Variants in PHF20 observed in about 807,000 individuals in gnomAD.
PHF20 encodes the protein PHD finger protein 20.
PHF20 carries 23 observed loss-of-function variants against 113.5 expected under a neutral mutation model. The ratio of observed to expected loss-of-function variants is 0.20; its 90% CI spans 0.15 to 0.29. PHF20 has a LOEUF of 0.29. PHF20 is among the 10% of genes least tolerant of loss of function. PHF20 has a pLI of 1.00. For missense variants in PHF20, 943 were observed against 1,219.6 expected (o/e 0.77, Z 3.38); for synonymous variants, 434 against 457.3 (o/e 0.95, Z 0.65).
intron 9 of PHF20, among the ~76,000 whole-genome samples, chr20:35,898,909 C>A (rs1202240884): frequency 6.6e-6 from 1 of 152,230 alleles, no homozygotes; most frequent in African/African-American, 2.4e-5. Context: ...CCATGCCCAG[C>A]CCATTTCTTT....
intron 10 of PHF20, among the ~76,000 whole-genome samples, chr20:35,900,958 T>G: frequency 6.6e-6 from 1 of 152,140 alleles, no homozygotes; most frequent in Admixed American, 6.6e-5. Context: ...GTAGTTACCT[T>G]TGGGAGGAGG....
At chr20:35,789,367 G>A (rs1342156757) in intron 1 of PHF20, among the ~76,000 whole-genome samples, 2 of 150,418 alleles carry the variant, frequency 1.3e-5, no homozygotes, top group African/African-American at 4.9e-5. Context: ...GGAGACAGAG[G>A]TTGCAGTGAG....
chr20:35,778,576 A>G (rs778069806), intron 1 of PHF20, among the ~76,000 whole-genome samples: 7 of 151,964 alleles, frequency 4.6e-5, no homozygotes, highest in Non-Finnish European at 7.4e-5. Context: ...ACACAGTGAA[A>G]CTCCGTCTCT....
chr20:35,811,584 A>G (rs114775401), intron 2 of PHF20, among the ~76,000 whole-genome samples: 1 of 151,648 alleles, frequency 6.6e-6, no homozygotes, highest in Non-Finnish European at 1.5e-5. Flanking sequence ...CTCGGATTAC[A>G]TGCATGCGCC....
intron 6 of PHF20, among the ~76,000 whole-genome samples, chr20:35,863,690 G>C (rs1023759359): frequency 6.6e-6 from 1 of 152,120 alleles, no homozygotes; most frequent in African/African-American, 2.4e-5. Context: ...GAGGCCTTTT[G>C]CTTATGCTTT....
chr20:35,846,386 C>T (rs2042624387), intron 3 of PHF20, among the ~76,000 whole-genome samples: 1 of 152,020 alleles, frequency 6.6e-6, no homozygotes, highest in Admixed American at 6.6e-5. Context: ...CCATGTTGGC[C>T]AGGCTGATCT....
chr20:35,878,589 G>C, intron 9 of PHF20: 1 of 761,506 alleles, frequency 1.3e-6, no homozygotes, highest in Non-Finnish European at 2.4e-6. Context: ...GTTGCATATG[G>C]ATTATACAAA....
At chr20:35,846,375 A>C (rs1430620715) in intron 3 of PHF20, among the ~76,000 whole-genome samples, 1 of 151,946 alleles carries the variant, frequency 6.6e-6, no homozygotes, top group Admixed American at 6.6e-5. Flanking sequence ...ACGGGGTTTC[A>C]CCATGTTGGC....
chr20:35,790,034 T>A (rs2041511646), intron 1 of PHF20, among the ~76,000 whole-genome samples: 1 of 151,652 alleles, frequency 6.6e-6, no homozygotes, highest in African/African-American at 2.4e-5. Context: ...TTTTTTTGTG[T>A]TTAGTAGAGA....
intron 13 of PHF20, among the ~76,000 whole-genome samples, chr20:35,918,179 AC>A (rs1400530050): frequency 3.3e-5 from 5 of 151,738 alleles, no homozygotes; most frequent in African/African-American, 7.3e-5. Context: ...GCTTGGGGAA[AC>A]CATGCCTGGC....
rs1393608501 is a variant in PHF20 at position 35,949,873 on chromosome 20, T to C, written c.*2246T>C. 1 of 152,410 alleles carries C rather than the reference T, an allele frequency of 6.6e-6. No homozygotes were observed. The highest frequency in any genetic ancestry group is 1.9e-4 in the East Asian group (1 of 5,184). The allele number at this position is 152,410 out of a possible 1,614,324, so 9.4% of individuals were successfully genotyped here. On this transcript the variant is annotated 3_prime_UTR_variant, in exon 18 of 18. Transcript: ENST00000374012. Reference sequence around the variant, plus strand: ...TTCGAGACCAGCCTGGCCAACAGGGTGAAACCCCGTCTCTACTAAAAGTAC... The same window carrying C: ...TTCGAGACCAGCCTGGCCAACAGGGCGAAACCCCGTCTCTACTAAAAGTAC...
chr20:35,853,510 G>A (rs888088831), intron 4 of PHF20: 6 of 152,218 alleles, frequency 3.9e-5, no homozygotes, highest in African/African-American at 1.2e-4. Context: ...TTTGGAAGTT[G>A]AGGAGGCAGG....
At chr20:35,870,868 T>G (rs1459847718) in intron 7 of PHF20, 87 bp from the exon 8 acceptor site, 1 of 918,274 alleles carries the variant, frequency 1.1e-6, no homozygotes, top group Non-Finnish European at 1.6e-6. Flanking sequence ...AAAGTCCTTT[T>G]AGAGACATCC....
At chr20:35,865,895 G>T (rs1187421929) in intron 6 of PHF20, among the ~76,000 whole-genome samples, 1 of 152,072 alleles carries the variant, frequency 6.6e-6, no homozygotes, top group Non-Finnish European at 1.5e-5. Context: ...CCAACATGGT[G>T]AAATCCCGTC....
chr20:35,780,639 C>T (rs1310300859), intron 1 of PHF20, among the ~76,000 whole-genome samples: 11 of 150,406 alleles, frequency 7.3e-5, no homozygotes, highest in Admixed American at 2.7e-4. Context: ...CTCCGCCTCC[C>T]GGGTTCAAGT....
chr20:35,912,422 T>G (rs1474861995), intron 10 of PHF20, among the ~76,000 whole-genome samples: 1 of 152,200 alleles, frequency 6.6e-6, no homozygotes, highest in South Asian at 2.1e-4. Flanking sequence ...TAAGGAGTTT[T>G]GTTGTAGAGT....
intron 1 of PHF20, among the ~76,000 whole-genome samples, chr20:35,772,534 AT>A (rs1462369072): frequency 3.3e-5 from 5 of 152,184 alleles, no homozygotes; most frequent in Non-Finnish European, 7.4e-5. Flanking sequence ...TGGGGAGCAC[AT>A]TCCTTTCTCA....
chr20:35,842,456 A>G, intron 2 of PHF20, 117 bp from the exon 3 acceptor site: 2 of 879,100 alleles, frequency 2.3e-6, no homozygotes, highest in Non-Finnish European at 3.5e-6. Context: ...AGAGTCTCTA[A>G]ACGGTAGGCC....
intron 2 of PHF20, among the ~76,000 whole-genome samples, chr20:35,815,687 G>A (rs563540865): frequency 3.9e-4 from 59 of 151,900 alleles, no homozygotes; most frequent in African/African-American, 1.2e-3. Context: ...GGATGGTCTC[G>A]GTCTCCTGAC....
Sources: gnomAD v4.1 joint callset for allele counts (sites outside exome capture counted in the v4.1 genomes callset) on GRCh38, gnomAD v4.1.1 for gene constraint, MANE v1.5 for transcripts, NCBI Gene and HGNC (gene_info 2026-07-23, HGNC 2026-07-21) for gene names.